Variants in ATP2C2 observed in about 807,000 individuals in gnomAD.
ATP2C2 encodes the protein ATPase secretory pathway Ca2+ transporting 2, also known as calcium-transporting ATPase type 2C member 2.
Under a neutral mutation model 110.8 loss-of-function variants are expected in ATP2C2, and 171 were observed. That is an observed-to-expected ratio of 1.54 (90% confidence interval 1.36 to 1.75). The LOEUF is 1.75. Among genes scored for constraint, ATP2C2 ranks in the 40% most tolerant of loss-of-function variants. The probability of loss-of-function intolerance (pLI) is 0.00; values close to 1 mark genes in which losing one functional copy is unlikely to be tolerated. For synonymous variants in ATP2C2, 804 were observed against 508.4 expected (o/e 1.58, Z -7.82); for missense variants, 1,963 against 1,235.0 (o/e 1.59, Z -8.84).
intron 1 of ATP2C2, among the ~76,000 whole-genome samples, chr16:84,375,207 A>T (rs906337475): frequency 1.3e-5 from 2 of 152,256 alleles, no homozygotes; most frequent in Non-Finnish European, 2.9e-5. Context: ...ATATGTAATG[A>T]CACAGTGGAC....
chr16:84,443,914 C>G (rs1172735537), intron 15 of ATP2C2, among the ~76,000 whole-genome samples: 1 of 152,144 alleles, frequency 6.6e-6, no homozygotes, highest in Non-Finnish European at 1.5e-5. Context: ...TGGCTCAAAT[C>G]CCAGCACTTT....
At chr16:84,417,199 C>T (rs1254194114) in intron 7 of ATP2C2, among the ~76,000 whole-genome samples, 1 of 152,160 alleles carries the variant, frequency 6.6e-6, no homozygotes, top group African/African-American at 2.4e-5. Flanking sequence ...TTCAGAGATG[C>T]CAAAAGTGCT....
chr16:84,424,168 G>A (rs146835351), intron 10 of ATP2C2, among the ~76,000 whole-genome samples: 31 of 152,332 alleles, frequency 2.0e-4, no homozygotes, highest in African/African-American at 4.6e-4. Context: ...CCAAAACTGC[G>A]AAGCCAGAGA....
At chr16:84,394,725 C>G (rs1904868249) in intron 1 of ATP2C2, among the ~76,000 whole-genome samples, 1 of 152,102 alleles carries the variant, frequency 6.6e-6, no homozygotes, top group Non-Finnish European at 1.5e-5. Flanking sequence ...GACCGATGGA[C>G]ACGTCACTCC....
intron 6 of ATP2C2, among the ~76,000 whole-genome samples, chr16:84,411,065 A>G (rs1906240360): frequency 6.6e-6 from 1 of 152,184 alleles, no homozygotes; most frequent in Non-Finnish European, 1.5e-5. Flanking sequence ...AGCCTGTGAA[A>G]TAATGTGCAG....
rs145463404 is a variant in ATP2C2 at position 84,461,821 on chromosome 16, C to T, written c.2580+9C>T. 1,650 of 1,612,662 alleles carry T rather than the reference C, an allele frequency of 1.0e-3. 5 individuals carry two copies. Among genetic ancestry groups the T allele is most frequent in the Non-Finnish European group, 1.2e-3 (1,434 of 1,178,592 alleles). The stretch of plus-strand genomic sequence containing the variant: ...TGACCTGCCGCTCTCAGGTGAGACC[C>T]GGGCTGACCCTCCTCGCTGCAGAGC... On this transcript the variant is annotated intron_variant, in intron 25 of 26. Transcript: ENST00000262429.
chr16:84,449,821 G>GC (rs1910093157), intron 17 of ATP2C2, among the ~76,000 whole-genome samples: 1 of 152,234 alleles, frequency 6.6e-6, no homozygotes, highest in African/African-American at 2.4e-5. Flanking sequence ...TCACGCCTCT[G>GC]CTGACGAAAT....
chr16:84,430,138 G>C (rs574761078), intron 11 of ATP2C2, among the ~76,000 whole-genome samples: 1 of 152,288 alleles, frequency 6.6e-6, no homozygotes, highest in East Asian at 1.9e-4. Context: ...TCACATTCAC[G>C]TGTACCAGGA....
At chr16:84,398,636 T>G in intron 2 of ATP2C2, 27 bp downstream of exon 2, 1 of 1,538,648 alleles carries the variant, frequency 6.5e-7, no homozygotes, top group Non-Finnish European at 8.9e-7. Context: ...CATCTGGAGC[T>G]AATTGTGATA....
chr16:84,422,191 T>C (rs1252152809), intron 7 of ATP2C2, among the ~76,000 whole-genome samples, 199 bp from the exon 8 acceptor site: 2 of 152,186 alleles, frequency 1.3e-5, no homozygotes, highest in African/African-American at 4.8e-5. Context: ...ATGAGACTTT[T>C]ATGTTTTTAA....
chr16:84,402,730 C>G (rs1245542182), intron 2 of ATP2C2, among the ~76,000 whole-genome samples: 1 of 152,170 alleles, frequency 6.6e-6, no homozygotes, highest in Admixed American at 6.5e-5. Flanking sequence ...CAATAGTCAT[C>G]AGTGATATTG....
At position 84,454,973 on chromosome 16, in the gene ATP2C2, C is replaced by G. The variant is rs760803833; in HGVS notation, c.2136C>G (p.Phe712Leu). 1.9e-6 allele frequency: 3 copies of G among 1,613,442 alleles called. No homozygotes were observed. The African/African-American group carries it at 4.0e-5, about 22-fold the overall frequency. Reference protein sequence around the residue: ...AANMILVDDDFSAIMNAVEEG... With the variant: ...AANMILVDDDLSAIMNAVEEG... ...ACATGATCCTGGTGGATGATGACTT[C>G]TCAGCCATCATGTAAGCTGCCCTTC... is the stretch of plus-strand genomic sequence containing the variant. The change falls in exon 21 of 27, where the codon TTC becomes TTG. Residue 712 changes from phenylalanine to leucine, a missense_variant. Phe to Leu is a conservative substitution (Grantham distance 22). Transcript: ENST00000262429.
chr16:84,449,394 G>A (rs965601682), intron 17 of ATP2C2, among the ~76,000 whole-genome samples: 6 of 152,182 alleles, frequency 3.9e-5, no homozygotes, highest in East Asian at 1.9e-4. Context: ...TGAGGGGAGC[G>A]TTCCCCAAAG....
chr16:84,382,778 C>G (rs994928016), intron 1 of ATP2C2, among the ~76,000 whole-genome samples: 1 of 152,062 alleles, frequency 6.6e-6, no homozygotes, highest in Non-Finnish European at 1.5e-5. Flanking sequence ...TGCCTGTAAT[C>G]CCAGCTACTT....
Position 84,461,822 on chromosome 16 carries a change from G to T in ATP2C2, c.2580+10G>T, listed in dbSNP as rs763590348. The T allele has an allele frequency of 1.9e-6, 3 of 1,612,766 alleles. No individual in the cohort carries two copies. Among genetic ancestry groups the T allele is most frequent in the Admixed American group, 1.7e-5 (1 of 59,996 alleles). On this transcript the variant is annotated intron_variant, in intron 25 of 26. Transcript: ENST00000262429. ...GACCTGCCGCTCTCAGGTGAGACCC[G>T]GGCTGACCCTCCTCGCTGCAGAGCT...
chr16:84,460,790 T>A lies in ATP2C2; in HGVS notation c.2470T>A (p.Phe824Ile), dbSNP rs774768791. 1.2e-6 allele frequency: 2 copies of A among 1,612,612 alleles called. No individual in the cohort carries two copies. Among genetic ancestry groups the A allele is most frequent in the Non-Finnish European group, 1.7e-6 (2 of 1,178,912 alleles). Residue 824 changes from phenylalanine to isoleucine, a missense_variant, in exon 24 of 27, where the codon TTC (phenylalanine) becomes ATC (isoleucine). Phe to Ile is a conservative substitution (Grantham distance 21). Transcript: ENST00000262429. ...AIIISGTLFI[F>I]WKEMPEDRAS... ...CATCATCAGCGGGACCCTCTTTATC[T>A]TCTGGAAGGAGGTGAGCGAGGGTCA...
rs774321726 is a variant in ATP2C2 at position 84,405,282 on chromosome 16, T to A, written c.327+38T>A. ...GTGTCATTCTTTGCATTAACATGCA[T>A]AAGCCAGCGAGGGTGGGGCAGCCAT... On this transcript the variant is annotated intron_variant, in intron 3 of 26. Transcript: ENST00000262429. 4 of 1,540,970 alleles carry A rather than the reference T, an allele frequency of 2.6e-6. No homozygotes were observed. The East Asian group carries it at 9.0e-5, about 35-fold the overall frequency.
chr16:84,460,500 G>C (rs546049013), intron 23 of ATP2C2, 154 bp from the exon 24 acceptor site: 3 of 1,016,778 alleles, frequency 3.0e-6, no homozygotes, highest in African/African-American at 1.6e-5. Flanking sequence ...GGAAGGTGCC[G>C]AGGAGGGCAG....
chr16:84,389,720 C>CTTTTT (rs3085090), intron 1 of ATP2C2, among the ~76,000 whole-genome samples: 1 of 120,192 alleles, frequency 8.3e-6, no homozygotes, highest in Non-Finnish European at 1.7e-5. Context: ...TCACTGTTTC[C>CTTTTT]TTTTTTTTTT....
Sources: gnomAD v4.1 joint callset for allele counts (sites outside exome capture counted in the v4.1 genomes callset) on GRCh38, gnomAD v4.1.1 for gene constraint, MANE v1.5 for transcripts, NCBI Gene and HGNC (gene_info 2026-07-23, HGNC 2026-07-21) for gene names.